BTBD9: variants seen among roughly 807,000 people sequenced by gnomAD.
BTBD9 encodes BTB/POZ domain-containing protein 9.
A neutral mutation model predicts 64.3 loss-of-function variants in BTBD9; 49 were observed. The observed-to-expected ratio is 0.76, with a 90% confidence interval of 0.61 to 0.97. The LOEUF is 0.97. BTBD9 is among the 50% of genes least tolerant of loss of function. The probability of loss-of-function intolerance (pLI) is 0.00; values close to 1 mark genes in which losing one functional copy is unlikely to be tolerated. For synonymous variants in BTBD9, 260 were observed against 274.7 expected, an observed-to-expected ratio of 0.95 and a Z score of 0.53; for missense variants, 598 against 762.1, an observed-to-expected ratio of 0.78 and a Z score of 2.53.
intron 6 of BTBD9, among the ~76,000 whole-genome samples, chr6:38,461,976 G>A (rs1770106279): frequency 6.6e-6 from 1 of 152,156 alleles, no homozygotes; most frequent in South Asian, 2.1e-4. Context: ...ATCCTTTTGG[G>A]TGAAGTATCA....
At chr6:38,298,443 G>C (rs185373626) in intron 7 of BTBD9, among the ~76,000 whole-genome samples, 1 of 152,178 alleles carries the variant, frequency 6.6e-6, no homozygotes, top group Non-Finnish European at 1.5e-5. Context: ...TGCATAGAAT[G>C]TACAATGATC....
Position 38,282,661 on chromosome 6 carries a change from C to A in BTBD9, c.1454+5611G>T, listed in dbSNP as rs9470852. Among the ~76,000 whole-genome samples the A allele has an allele frequency of 5.3e-3, 807 of 152,298 alleles. 9 individuals are homozygous for A. The highest frequency in any genetic ancestry group is 0.017 in the African/African-American group (722 of 41,572). The stretch of plus-strand genomic sequence containing the variant: ...GCCATGCTATCCCCTCCCTCCTGCT[C>A]CAGCCACACTGGCCTCCTAGCTGCT... On this transcript the variant is annotated intron_variant, in intron 8 of 10. Coordinates refer to ENST00000481247, the MANE Select transcript of BTBD9 (RefSeq NM_001099272.2).
intron 9 of BTBD9, among the ~76,000 whole-genome samples, chr6:38,237,818 T>C (rs1295488462): frequency 6.9e-6 from 1 of 145,192 alleles, no homozygotes; most frequent in Non-Finnish European, 1.5e-5. Context: ...CTGTTTCCTT[T>C]TCAATGGTAT....
chr6:38,421,100 T>C (rs947626575), intron 6 of BTBD9, among the ~76,000 whole-genome samples: 3 of 151,712 alleles, frequency 2.0e-5, no homozygotes, highest in Non-Finnish European at 4.4e-5. Context: ...CTCACGTCTG[T>C]AATCCCAACA....
chr6:38,291,793 G>A (rs1296855371), intron 7 of BTBD9, among the ~76,000 whole-genome samples: 1 of 152,100 alleles, frequency 6.6e-6, no homozygotes, highest in Non-Finnish European at 1.5e-5. Context: ...GATGGATTAC[G>A]TTTATTGATT....
At chr6:38,391,694 C>T (rs1327669577) in intron 6 of BTBD9, among the ~76,000 whole-genome samples, 5 of 150,058 alleles carry the variant, frequency 3.3e-5, no homozygotes, top group African/African-American at 9.8e-5. Context: ...ATTTAATTGC[C>T]TTGGCAATGC....
chr6:38,279,324 G>A (rs970422710), intron 8 of BTBD9, among the ~76,000 whole-genome samples: 8 of 152,064 alleles, frequency 5.3e-5, no homozygotes, highest in Admixed American at 2.6e-4. Context: ...TGTACCAAAA[G>A]TATCTGAACA....
intron 6 of BTBD9, among the ~76,000 whole-genome samples, chr6:38,572,890 C>A (rs1268185290): frequency 1.3e-5 from 2 of 151,578 alleles, no homozygotes; most frequent in African/African-American, 4.8e-5. Context: ...AAAAGACTGA[C>A]AGATTTGAAT....
chr6:38,616,538 A>G (rs1253245158), intron 1 of BTBD9, among the ~76,000 whole-genome samples: 1 of 152,146 alleles, frequency 6.6e-6, no homozygotes, highest in Non-Finnish European at 1.5e-5. Context: ...GTGGGAGGTG[A>G]GGCCAGCTGG....
chr6:38,307,695 C>T (rs1440402930), intron 7 of BTBD9, among the ~76,000 whole-genome samples: 9 of 152,182 alleles, frequency 5.9e-5, no homozygotes, highest in Non-Finnish European at 8.8e-5. Context: ...CCAATTTTTA[C>T]ATTAGCAAGG....
intron 9 of BTBD9, among the ~76,000 whole-genome samples, chr6:38,197,175 G>A (rs180774463): frequency 3.3e-4 from 51 of 152,288 alleles, no homozygotes; most frequent in Non-Finnish European, 5.0e-4. Flanking sequence ...TCTTAGAGTC[G>A]TGATCTATCT....
intron 1 of BTBD9, among the ~76,000 whole-genome samples, chr6:38,610,845 C>T (rs1777593020): frequency 1.3e-5 from 2 of 149,724 alleles, no homozygotes; most frequent in South Asian, 4.2e-4. Context: ...TTCCTATGGC[C>T]GAGCAATTTA....
At chr6:38,274,893 T>TA (rs1267018100) in intron 8 of BTBD9, among the ~76,000 whole-genome samples, 1 of 152,182 alleles carries the variant, frequency 6.6e-6, no homozygotes, top group Non-Finnish European at 1.5e-5. Flanking sequence ...GCTGGCCTCA[T>TA]AAAATGAGTT....
At chr6:38,554,556 C>T (rs1774937252) in intron 6 of BTBD9, among the ~76,000 whole-genome samples, 1 of 152,072 alleles carries the variant, frequency 6.6e-6, no homozygotes, top group Non-Finnish European at 1.5e-5. Context: ...TTTTCAAGTT[C>T]CCAAAAAAAT....
intron 9 of BTBD9, among the ~76,000 whole-genome samples, chr6:38,208,687 C>T (rs1049613229): frequency 6.6e-6 from 1 of 152,180 alleles, no homozygotes; most frequent in Non-Finnish European, 1.5e-5. Context: ...TAATCTGGCA[C>T]CCCAGGAGTA....
intron 9 of BTBD9, among the ~76,000 whole-genome samples, chr6:38,214,485 A>G (rs1215158079): frequency 6.6e-6 from 1 of 152,232 alleles, no homozygotes. Flanking sequence ...CAAAAACCAG[A>G]TGCCAAGACA....
At chr6:38,178,513 G>A (rs1195121206) in intron 10 of BTBD9, among the ~76,000 whole-genome samples, 1 of 152,182 alleles carries the variant, frequency 6.6e-6, no homozygotes, top group African/African-American at 2.4e-5. Flanking sequence ...AGACACATAA[G>A]CCAGGGAGAA....
chr6:38,545,025 G>C (rs1346339728), intron 6 of BTBD9, among the ~76,000 whole-genome samples: 1 of 151,332 alleles, frequency 6.6e-6, no homozygotes, highest in Non-Finnish European at 1.5e-5. Flanking sequence ...AGATCATGTA[G>C]GGCACTGCAG....
At chr6:38,336,031 C>T (rs960662454) in intron 7 of BTBD9, among the ~76,000 whole-genome samples, 4 of 152,298 alleles carry the variant, frequency 2.6e-5, no homozygotes, top group Non-Finnish European at 5.9e-5. Context: ...CTACCGCACC[C>T]GGCCTCCAGG....
Sources: allele counts gnomAD v4.1 joint callset (sites outside exome capture counted in the v4.1 genomes callset), GRCh38; gene constraint gnomAD v4.1.1; transcripts MANE v1.5; gene names NCBI Gene and HGNC (gene_info 2026-07-23, HGNC 2026-07-21).